IQCE: variants seen among roughly 807,000 people sequenced by gnomAD.
IQCE encodes IQ domain-containing protein E.
Under a neutral mutation model 96.0 loss-of-function variants are expected in IQCE, and 115 were observed. That is an observed-to-expected ratio of 1.20 (90% confidence interval 1.03 to 1.40). IQCE has a LOEUF of 1.40. IQCE is among the 40% of genes most tolerant of loss of function. IQCE has a pLI of 0.00. For missense variants in IQCE, 1,041 were observed against 909.1 expected, an observed-to-expected ratio of 1.15 and a Z score of -1.87; for synonymous variants, 412 against 371.2, an observed-to-expected ratio of 1.11 and a Z score of -1.26.
At chr7:2,573,858 C>T (rs1485721842) in intron 6 of IQCE, among the ~76,000 whole-genome samples, 1 of 152,168 alleles carries the variant, frequency 6.6e-6, no homozygotes, top group Non-Finnish European at 1.5e-5. Flanking sequence ...TTTATGTTAT[C>T]AAGACATCTC....
At chr7:2,582,710 G>T in intron 9 of IQCE, 60 bp downstream of exon 9, 3 of 1,489,778 alleles carry the variant, frequency 2.0e-6, no homozygotes, top group South Asian at 1.2e-5. Context: ...TTGCTCAGAC[G>T]CCCGCCTTTG....
rs543698789 is a variant in IQCE at position 2,611,139 on chromosome 7, T to TGGGCCGGGCCGGGCCGGGCC, written c.*986_*987insCGGGCCGGGCCGGGCCGGGC. On this transcript the variant is annotated 3_prime_UTR_variant, in exon 22 of 22. Transcript: ENST00000402050. Reference sequence around the variant, plus strand: ...TGGGCTGGGCTGGGCTGGGCTGGGCTGGGCCGGGCGTGCGGAGCCTGTGGA... The same window carrying TGGGCCGGGCCGGGCCGGGCC: ...TGGGCTGGGCTGGGCTGGGCTGGGCTGGGCCGGGCCGGGCCGGGCCGGGCCGGGCGTGCGGAGCCTGTGGA... 21 of 137,344 alleles carry TGGGCCGGGCCGGGCCGGGCC rather than the reference T, an allele frequency of 1.5e-4. No individual in the cohort carries two copies. Among genetic ancestry groups the TGGGCCGGGCCGGGCCGGGCC allele is most frequent in the African/African-American group, 6.1e-4 (21 of 34,490 alleles). The allele number at this position is 137,344 out of a possible 1,614,324, so 8.5% of individuals were successfully genotyped here.
chr7:2,593,170 G>T, intron 15 of IQCE, 44 bp downstream of exon 15: 1 of 1,567,990 alleles, frequency 6.4e-7, no homozygotes, highest in Middle Eastern at 2.0e-4. Flanking sequence ...AGGCGAGTCC[G>T]CACTCCTGCT....
intron 1 of IQCE, among the ~76,000 whole-genome samples, chr7:2,565,133 AGT>A (rs35495754): frequency 0.19 from 28,046 of 147,042 alleles, 2,880 homozygotes; most frequent in South Asian, 0.24. Context: ...CATGTGTGTG[AGT>A]GTGTGTGTGT....
chr7:2,600,336 C>T (rs1486408843), intron 17 of IQCE, among the ~76,000 whole-genome samples: 1 of 152,226 alleles, frequency 6.6e-6, no homozygotes, highest in Non-Finnish European at 1.5e-5. Context: ...ACCAGGCCGG[C>T]CCCTGTTTGT....
intron 2 of IQCE, among the ~76,000 whole-genome samples, chr7:2,567,584 G>C (rs1186763724): frequency 6.6e-6 from 1 of 152,258 alleles, no homozygotes; most frequent in Non-Finnish European, 1.5e-5. Flanking sequence ...AAGGAGAGGG[G>C]CAGGAGTGGT....
Position 2,594,830 on chromosome 7 carries a change from G to A in IQCE, c.1350-56G>A, listed in dbSNP as rs2304537. On this transcript the variant is annotated intron_variant, in intron 15 of 21. Transcript: ENST00000402050. ...CGCCCGCCCCACCCTGCCCTGTGCC[G>A]GCCTTCATCACATAGTGACAGGTGA... 100 of 1,114,404 alleles carry A rather than the reference G, an allele frequency of 9.0e-5. No homozygotes were observed. The East Asian group carries it at 1.8e-3, about 20-fold the overall frequency. 69.0% of individuals were successfully genotyped at this position (1,114,404 alleles called of 1,614,324 possible).
intron 15 of IQCE, 136 bp downstream of exon 15, chr7:2,593,262 G>A (rs1783755557): frequency 7.4e-7 from 1 of 1,358,396 alleles, no homozygotes; most frequent in Non-Finnish European, 9.8e-7. Context: ...AGTCTTTCAT[G>A]GTTTTCTGTC....
chr7:2,586,489 G>C, intron 12 of IQCE, 118 bp downstream of exon 12: 1 of 1,130,288 alleles, frequency 8.8e-7, no homozygotes, highest in Non-Finnish European at 1.2e-6. Flanking sequence ...GTGAACCCTT[G>C]GGCAACGCCA....
chr7:2,584,642 T>C (rs1782957567), intron 11 of IQCE: 1 of 223,840 alleles, frequency 4.5e-6, no homozygotes, highest in Non-Finnish European at 8.9e-6. Context: ...CACCTAATGT[T>C]TTCCTAAATA....
At chr7:2,577,558 C>T (rs1158131616) in intron 6 of IQCE, among the ~76,000 whole-genome samples, 88 of 118,374 alleles carry the variant, frequency 7.4e-4, no homozygotes, top group African/African-American at 2.7e-3. Context: ...CGTGGCTGTG[C>T]GCGCGGGGAC....
rs373479928 is a variant in IQCE, at chr7:2,587,872, G to A, written c.1039G>A (p.Glu347Lys). 3.1e-5 allele frequency: 50 copies of A among 1,614,058 alleles called. No individual in the cohort carries two copies. The South Asian group carries it at 5.2e-4, about 17-fold the overall frequency. Residue 347 changes from glutamate to lysine, a missense_variant, in exon 13 of 22, where the codon GAG (glutamate) becomes AAG (lysine). Transcript: ENST00000402050. ...GCTGCTGAGGCGCATTGTGGAGCTGGAGAAGGTGAGCGGGCGTCTCAGTGC... is the reference window on the plus strand; with the variant it reads ...GCTGCTGAGGCGCATTGTGGAGCTGAAGAAGGTGAGCGGGCGTCTCAGTGC... ...PRLLRRIVELEKKLSVMESSK... is the reference protein window; with the variant it reads ...PRLLRRIVELKKKLSVMESSK...
chr7:2,565,821 A>G (rs1554302122), intron 1 of IQCE, among the ~76,000 whole-genome samples: 1 of 152,202 alleles, frequency 6.6e-6, no homozygotes, highest in Non-Finnish European at 1.5e-5. Context: ...ATTTCAGTCA[A>G]TGGCTGATTT....
intron 8 of IQCE, 142 bp downstream of exon 8, chr7:2,578,668 C>T: frequency 2.3e-6 from 2 of 853,460 alleles, no homozygotes; most frequent in South Asian, 3.1e-5. Flanking sequence ...AACCCTTCTC[C>T]ACTGACACCT....
intron 6 of IQCE, among the ~76,000 whole-genome samples, chr7:2,574,036 C>T (rs1233596038): frequency 6.6e-6 from 1 of 152,164 alleles, no homozygotes; most frequent in Non-Finnish European, 1.5e-5. Context: ...AAGGCCAAGA[C>T]TCTGTACTTC....
At chr7:2,592,989 G>A (rs1783724933) in intron 14 of IQCE, 33 bp from the exon 15 acceptor site, 2 of 1,564,450 alleles carry the variant, frequency 1.3e-6, no homozygotes, top group African/African-American at 1.4e-5. Context: ...CAGTTTTTGT[G>A]AACGCTGACG....
At position 2,605,443 on chromosome 7, in the gene IQCE, ACT is replaced by A. The variant is rs953558738; in HGVS notation, c.1744-430_1744-429del. ...AGACCATCCTGGCTAACATGGTGAAACTCTGTCTCTACTAAAAACACAAAAAA... is the reference window on the plus strand; with the variant it reads ...AGACCATCCTGGCTAACATGGTGAAACTGTCTCTACTAAAAACACAAAAAA... On this transcript the variant is annotated intron_variant, in intron 19 of 21. Transcript: ENST00000402050. Among the ~76,000 whole-genome samples, 7 of 151,812 alleles carry A rather than the reference ACT, an allele frequency of 4.6e-5. No homozygotes were observed. In the East Asian group the frequency reaches 9.7e-4, roughly 21 times the overall value.
intron 13 of IQCE, among the ~76,000 whole-genome samples, chr7:2,588,318 A>G (rs1441159412): frequency 6.6e-6 from 1 of 151,968 alleles, no homozygotes; most frequent in African/African-American, 2.4e-5. Flanking sequence ...GGCTGATTCT[A>G]TTGGAATTGG....
chr7:2,596,816 A>AGAT, intron 16 of IQCE: 1 of 381,842 alleles, frequency 2.6e-6, no homozygotes, highest in Non-Finnish European at 5.4e-6. Flanking sequence ...GACTGAGGGA[A>AGAT]GATGAGGCTC....
Sources: allele counts gnomAD v4.1 joint callset (sites outside exome capture counted in the v4.1 genomes callset), GRCh38; gene constraint gnomAD v4.1.1; transcripts MANE v1.5; gene names NCBI Gene and HGNC (gene_info 2026-07-23, HGNC 2026-07-21).